The following DNAJC3 variants were observed in gnomAD, a reference collection of about 807,000 sequenced individuals.
DNAJC3 encodes DnaJ heat shock protein family (Hsp40) member C3, also known as dnaJ homolog subfamily C member 3.
DNAJC3 carries 38 observed loss-of-function variants against 68.6 expected under a neutral mutation model. The observed-to-expected ratio is 0.55, with a 90% confidence interval of 0.43 to 0.73. The LOEUF is 0.73. Ranked by LOEUF, DNAJC3 falls within the 30% of genes least tolerant of loss-of-function variation. The pLI is 0.00. For synonymous variants in DNAJC3, 203 were observed against 204.0 expected (o/e 1.00, Z 0.04); for missense variants, 526 against 591.9 (o/e 0.89, Z 1.16).
intron 2 of DNAJC3, among the ~76,000 whole-genome samples, chr13:95,711,282 G>A (rs1377731786): frequency 6.6e-6 from 1 of 152,160 alleles, no homozygotes; most frequent in Non-Finnish European, 1.5e-5. Flanking sequence ...TGGATCACTT[G>A]AGGTCAGGAG....
At chr13:95,775,306 AAT>A (rs1883264448) in intron 9 of DNAJC3, among the ~76,000 whole-genome samples, 1 of 152,206 alleles carries the variant, frequency 6.6e-6, no homozygotes, top group Non-Finnish European at 1.5e-5. Context: ...TTGAAATTAA[AAT>A]ATGTCTTCCT....
chr13:95,750,217 A>G (rs1296540860), intron 4 of DNAJC3, among the ~76,000 whole-genome samples: 5 of 150,624 alleles, frequency 3.3e-5, no homozygotes. Flanking sequence ...AATCTCTTCA[A>G]TAAATGGCTG....
At chr13:95,740,882 T>C (rs1365697008) in intron 4 of DNAJC3, among the ~76,000 whole-genome samples, 2 of 152,234 alleles carry the variant, frequency 1.3e-5, no homozygotes, top group African/African-American at 4.8e-5. Context: ...GTGAATTCTT[T>C]AGTTCCAGTA....
At chr13:95,745,572 A>G (rs997859166) in intron 4 of DNAJC3, 2 of 152,202 alleles carry the variant, frequency 1.3e-5, no homozygotes, top group Non-Finnish European at 2.9e-5. Context: ...ATGCATAAGA[A>G]CATTTGACTG....
chr13:95,764,671 TATATATATATATAC>T (rs1281522291), intron 9 of DNAJC3, among the ~76,000 whole-genome samples: 17 of 122,574 alleles, frequency 1.4e-4, no homozygotes, highest in African/African-American at 4.2e-4. Context: ...TATATATATA[TATATATATATATAC>T]ACACACACAC....
At position 95,794,196 on chromosome 13, in the gene DNAJC3, A is replaced by G. The variant is rs1883890492; in HGVS notation, c.*3166A>G. ...GGAATTTTAAAACTACCCACAGTTT[A>G]AGAGAAAACATAACTTGGTAAAAAA... is the stretch of plus-strand genomic sequence containing the variant. On this transcript the variant is annotated 3_prime_UTR_variant, in exon 12 of 12. Transcript: ENST00000602402. 6.6e-6 allele frequency: 1 copy of G among 152,270 alleles called. No homozygotes were observed. Among genetic ancestry groups the G allele is most frequent in the Admixed American group, 6.5e-5 (1 of 15,294 alleles). The allele number at this position is 152,270 out of a possible 1,614,324, so 9.4% of individuals were successfully genotyped here. A position where few individuals can be genotyped will look rare whatever the true frequency, so the allele number is the denominator to read the frequency against.
chr13:95,734,977 C>G (rs1163924245), intron 4 of DNAJC3, among the ~76,000 whole-genome samples: 1 of 133,012 alleles, frequency 7.5e-6, no homozygotes, highest in Non-Finnish European at 1.6e-5. Context: ...CCCTCCCCCC[C>G]ACCCCACAAC....
At chr13:95,782,676 C>T (rs1475663259) in intron 9 of DNAJC3, among the ~76,000 whole-genome samples, 1 of 152,066 alleles carries the variant, frequency 6.6e-6, no homozygotes. Flanking sequence ...TGTTTAAGTT[C>T]CCTGTGGATT....
At chr13:95,754,950 T>C (rs892957541) in intron 4 of DNAJC3, among the ~76,000 whole-genome samples, 5 of 151,932 alleles carry the variant, frequency 3.3e-5, no homozygotes, top group African/African-American at 1.2e-4. Flanking sequence ...TAGTGAGAAG[T>C]AAAAAATATA....
At chr13:95,725,792 T>C in intron 4 of DNAJC3, among the ~76,000 whole-genome samples, 1 of 150,644 alleles carries the variant, frequency 6.6e-6, no homozygotes, top group Non-Finnish European at 1.5e-5. Flanking sequence ...TCATTTAGCA[T>C]TAGGTATATC....
intron 11 of DNAJC3, among the ~76,000 whole-genome samples, chr13:95,788,846 C>A (rs2139700428): frequency 6.6e-6 from 1 of 152,272 alleles, no homozygotes; most frequent in South Asian, 2.1e-4. Context: ...AGATATGGGG[C>A]CTGAGTCTAA....
At chr13:95,785,716 G>A (rs1306984291) in intron 9 of DNAJC3, among the ~76,000 whole-genome samples, 3 of 151,144 alleles carry the variant, frequency 2.0e-5, no homozygotes, top group Non-Finnish European at 2.9e-5. Flanking sequence ...CGCCCACCTC[G>A]ACCTCCCAAA....
At chr13:95,693,456 A>G (rs1381446914) in intron 1 of DNAJC3, 1 of 152,144 alleles carries the variant, frequency 6.6e-6, no homozygotes, top group Non-Finnish European at 1.5e-5. Context: ...TCTAATTATT[A>G]ATGAAAATAA....
intron 4 of DNAJC3, 28 bp downstream of exon 4, chr13:95,725,280 G>A: frequency 6.6e-7 from 1 of 1,516,596 alleles, no homozygotes; most frequent in South Asian, 1.3e-5. Flanking sequence ...TTGACTCTAG[G>A]AAGATGTTAT....
Position 95,763,768 on chromosome 13 carries a change from C to T in DNAJC3, c.954+20C>T. ...TCTAAGGTAACAGTTGACTTGTTCC[C>T]AGAAATGTGAAAACTCAACATGTGG... is the stretch of plus-strand genomic sequence containing the variant. On this transcript the variant is annotated intron_variant, in intron 8 of 11. Coordinates refer to ENST00000602402, the MANE Select transcript of DNAJC3 (RefSeq NM_006260.5). 4 of 1,613,722 alleles carry T rather than the reference C, an allele frequency of 2.5e-6. No homozygotes were observed. The highest frequency in any genetic ancestry group is 3.4e-6 in the Non-Finnish European group (4 of 1,179,734).
intron 1 of DNAJC3, among the ~76,000 whole-genome samples, chr13:95,698,744 A>C (rs951373423): frequency 6.6e-6 from 1 of 152,124 alleles, no homozygotes; most frequent in African/African-American, 2.4e-5. Flanking sequence ...AGTGTGGGAG[A>C]CCATTTTATG....
At chr13:95,750,078 A>G (rs911688206) in intron 4 of DNAJC3, among the ~76,000 whole-genome samples, 1 of 152,002 alleles carries the variant, frequency 6.6e-6, no homozygotes, top group African/African-American at 2.4e-5. Flanking sequence ...TACACATCCA[A>G]TATCAGGCAG....
chr13:95,692,210 G>A (rs1880291922), intron 1 of DNAJC3, among the ~76,000 whole-genome samples: 2 of 152,192 alleles, frequency 1.3e-5, no homozygotes, highest in Non-Finnish European at 2.9e-5. Context: ...TTGATTTTAA[G>A]AATGTTCCAC....
intron 1 of DNAJC3, among the ~76,000 whole-genome samples, chr13:95,688,930 GTGT>G (rs1566466639): frequency 0.13 from 6,730 of 51,276 alleles, 261 homozygotes; most frequent in East Asian, 0.4. Context: ...TTGTGTGGGT[GTGT>G]GTGTGTGTGT....
Sources: gnomAD v4.1 joint callset for allele counts (sites outside exome capture counted in the v4.1 genomes callset) on GRCh38, gnomAD v4.1.1 for gene constraint, MANE v1.5 for transcripts, NCBI Gene and HGNC (gene_info 2026-07-23, HGNC 2026-07-21) for gene names.